Variants in CREB5 observed in about 807,000 individuals in gnomAD.
CREB5 encodes the protein cAMP responsive element binding protein 5.
In CREB5, 19 loss-of-function variants were observed where a neutral mutation model predicts 57.1. The observed-to-expected ratio is 0.33, with a 90% CI of 0.23 to 0.49. The LOEUF (loss-of-function observed/expected upper bound fraction) is 0.49, where lower values mean the gene tolerates loss of function less well. Ranked by LOEUF, CREB5 falls within the 20% of genes least tolerant of loss-of-function variation. The pLI is 0.99. For missense variants in CREB5, 579 were observed against 671.6 expected (o/e 0.86, Z 1.52); for synonymous variants, 238 against 238.3 (o/e 1.00, Z 0.01).
chr7:28,497,524 T>A (rs1792107678), intron 3 of CREB5, among the ~76,000 whole-genome samples: 1 of 152,190 alleles, frequency 6.6e-6, no homozygotes, highest in Non-Finnish European at 1.5e-5. Flanking sequence ...TGGTTTATGT[T>A]GAGGTTGGTG....
At chr7:28,300,002 T>C (rs1165146895) in intron 1 of CREB5, among the ~76,000 whole-genome samples, 2 of 152,218 alleles carry the variant, frequency 1.3e-5, no homozygotes, top group Non-Finnish European at 2.9e-5. Context: ...TGTAATGTGT[T>C]GCCCTTTTCA....
intron 1 of CREB5, among the ~76,000 whole-genome samples, chr7:28,376,733 T>C (rs1175013615): frequency 6.6e-6 from 1 of 152,182 alleles, no homozygotes; most frequent in African/African-American, 2.4e-5. Flanking sequence ...GATAATAGTC[T>C]CCCTTCAGCC....
chr7:28,692,029 A>AC (rs1801295713), intron 5 of CREB5, among the ~76,000 whole-genome samples: 1 of 149,210 alleles, frequency 6.7e-6, no homozygotes, highest in Non-Finnish European at 1.5e-5. Flanking sequence ...AAAAAAAAAA[A>AC]CAACAAATTA....
chr7:28,662,525 G>A (rs1799650883), intron 5 of CREB5, among the ~76,000 whole-genome samples: 1 of 152,158 alleles, frequency 6.6e-6, no homozygotes, highest in Admixed American at 6.5e-5. Flanking sequence ...GCTCCCCACA[G>A]TAAGTCTTCG....
intron 7 of CREB5, among the ~76,000 whole-genome samples, chr7:28,760,617 C>T (rs1805588518): frequency 6.6e-6 from 1 of 152,188 alleles, no homozygotes; most frequent in African/African-American, 2.4e-5. Context: ...ACACAAAAAC[C>T]TATTTATGAA....
chr7:28,637,257 C>A (rs954084560), intron 5 of CREB5, among the ~76,000 whole-genome samples: 1 of 152,088 alleles, frequency 6.6e-6, no homozygotes, highest in African/African-American at 2.4e-5. Flanking sequence ...TTATGTCTAG[C>A]TTCAGTAGTG....
At chr7:28,461,231 GA>G (rs34364190) in intron 1 of CREB5, among the ~76,000 whole-genome samples, 68,185 of 140,470 alleles carry the variant, frequency 0.49, 16,307 homozygotes, top group African/African-American at 0.59. Context: ...CTCTGCCTCT[GA>G]AAAAAAAAAA....
chr7:28,429,780 T>C (rs1218039640), intron 1 of CREB5, among the ~76,000 whole-genome samples: 5 of 152,180 alleles, frequency 3.3e-5, no homozygotes, highest in Non-Finnish European at 7.4e-5. Context: ...TCGCCTGAGG[T>C]TATTTTATAG....
At chr7:28,776,366 T>C (rs983245624) in intron 7 of CREB5, among the ~76,000 whole-genome samples, 8 of 151,132 alleles carry the variant, frequency 5.3e-5, no homozygotes, top group African/African-American at 1.9e-4. Flanking sequence ...AAGAAGAAAG[T>C]TAAGCGTGCT....
intron 9 of CREB5, among the ~76,000 whole-genome samples, chr7:28,817,267 A>C (rs146445763): frequency 6.6e-6 from 1 of 152,328 alleles, no homozygotes; most frequent in East Asian, 1.9e-4. Flanking sequence ...ATCCACCTGC[A>C]GCTGACCAAC....
At chr7:28,429,547 C>A (rs1788634476) in intron 1 of CREB5, among the ~76,000 whole-genome samples, 1 of 152,104 alleles carries the variant, frequency 6.6e-6, no homozygotes, top group Non-Finnish European at 1.5e-5. Flanking sequence ...TTTTTCTTAT[C>A]TTCTTAATTT....
chr7:28,706,230 C>T (rs942069279), intron 5 of CREB5, among the ~76,000 whole-genome samples: 2 of 152,172 alleles, frequency 1.3e-5, no homozygotes, highest in African/African-American at 2.4e-5. Flanking sequence ...GTGATGGTTG[C>T]CTGTAATCCC....
At chr7:28,701,425 A>G (rs1463490198) in intron 5 of CREB5, among the ~76,000 whole-genome samples, 1 of 152,246 alleles carries the variant, frequency 6.6e-6, no homozygotes, top group Non-Finnish European at 1.5e-5. Flanking sequence ...TTTATTCTGT[A>G]AAGTACAAAC....
chr7:28,568,945 C>T (rs551836419), intron 4 of CREB5, among the ~76,000 whole-genome samples: 4 of 152,292 alleles, frequency 2.6e-5, no homozygotes, highest in African/African-American at 9.6e-5. Flanking sequence ...TTGCTAACAC[C>T]AAAGCGCAGA....
At chr7:28,327,163 A>AAAG (rs1554302813) in intron 1 of CREB5, among the ~76,000 whole-genome samples, 1 of 149,508 alleles carries the variant, frequency 6.7e-6, no homozygotes, top group African/African-American at 2.5e-5. Flanking sequence ...AAAAAAAAAA[A>AAAG]AAAAAGGAAA....
chr7:28,421,849 C>T (rs1475330062), intron 1 of CREB5, among the ~76,000 whole-genome samples: 1 of 29,736 alleles, frequency 3.4e-5, no homozygotes, highest in Non-Finnish European at 5.6e-5. Context: ...CACACACACT[C>T]TCTCTCTCTA....
At chr7:28,462,177 T>G (rs569165533) in intron 1 of CREB5, among the ~76,000 whole-genome samples, 3 of 152,318 alleles carry the variant, frequency 2.0e-5, no homozygotes, top group Non-Finnish European at 4.4e-5. Context: ...ACACGTGACA[T>G]TTTGTGTTTG....
intron 1 of CREB5, among the ~76,000 whole-genome samples, chr7:28,305,528 T>C (rs1785167587): frequency 6.6e-6 from 1 of 152,132 alleles, no homozygotes; most frequent in Admixed American, 6.5e-5. Flanking sequence ...CCAAAGCTAC[T>C]GCATTCCCTT....
chr7:28,760,578 T>C (rs1248489253), intron 7 of CREB5, among the ~76,000 whole-genome samples: 2 of 152,204 alleles, frequency 1.3e-5, no homozygotes, highest in East Asian at 1.9e-4. Context: ...TGAATCAGCA[T>C]TTACCTTGTT....
Sources: gnomAD v4.1 joint callset for allele counts (sites outside exome capture counted in the v4.1 genomes callset) on GRCh38, gnomAD v4.1.1 for gene constraint, MANE v1.5 for transcripts, NCBI Gene and HGNC (gene_info 2026-07-23, HGNC 2026-07-21) for gene names.